The following CNTN3 variants were observed in gnomAD, a reference collection of about 807,000 sequenced individuals.
CNTN3 encodes contactin-3.
Under a neutral mutation model 119.1 loss-of-function variants are expected in CNTN3, and 60 were observed. The ratio of observed to expected loss-of-function variants is 0.50; its 90% CI spans 0.41 to 0.62. CNTN3 has a LOEUF of 0.62. CNTN3 is among the 20% of genes least tolerant of loss of function. CNTN3 has a pLI of 0.00. For missense variants in CNTN3, 1,101 were observed against 1,242.4 expected, an observed-to-expected ratio of 0.89 and a Z score of 1.71; for synonymous variants, 450 against 438.7, an observed-to-expected ratio of 1.03 and a Z score of -0.32.
At chr3:74,581,866 T>C (rs1471223826) in intron 1 of CNTN3, among the ~76,000 whole-genome samples, 2 of 152,204 alleles carry the variant, frequency 1.3e-5, no homozygotes, top group African/African-American at 4.8e-5. Flanking sequence ...GTCTTGTTAA[T>C]AAATGTTGCT....
In CNTN3 at chr3:74,314,846, G is replaced by A. The variant is rs185580462; in HGVS notation, c.1669-12039C>T. Among the ~76,000 whole-genome samples the A allele has an allele frequency of 4.8e-4, 73 of 152,266 alleles. 2 individuals carry two copies. The East Asian group carries it at 0.014, about 29-fold the overall frequency. On this transcript the variant is annotated intron_variant, in intron 13 of 22. Coordinates refer to ENST00000263665, the MANE Select transcript of CNTN3 (RefSeq NM_020872.3). ...ACTTTATCCAACAGCAGTGTCAGAGGCGTTTGAATCAGAGTGACTCCACCT... is the reference window on the plus strand; with the variant it reads ...ACTTTATCCAACAGCAGTGTCAGAGACGTTTGAATCAGAGTGACTCCACCT...
chr3:74,529,925 T>C (rs1042706970), intron 1 of CNTN3, among the ~76,000 whole-genome samples: 3 of 141,784 alleles, frequency 2.1e-5, no homozygotes, highest in Non-Finnish European at 4.5e-5. Flanking sequence ...TAGAAAAAGG[T>C]AAATGAAATC....
chr3:74,523,014 A>T (rs1703565327), intron 1 of CNTN3, among the ~76,000 whole-genome samples: 1 of 151,786 alleles, frequency 6.6e-6, no homozygotes, highest in Non-Finnish European at 1.5e-5. Context: ...TCAATCAATC[A>T]TTATACTGCT....
At chr3:74,418,420 C>G (rs1403031714) in intron 5 of CNTN3, among the ~76,000 whole-genome samples, 1 of 134,504 alleles carries the variant, frequency 7.4e-6, no homozygotes, top group South Asian at 2.4e-4. Context: ...TGGCTCACTG[C>G]AACCTCTGCC....
intron 20 of CNTN3, among the ~76,000 whole-genome samples, chr3:74,278,031 A>C (rs577811521): frequency 3.2e-5 from 4 of 126,950 alleles, no homozygotes; most frequent in African/African-American, 9.7e-5. Context: ...GCCAAAAAAA[A>C]AAAACCACTT....
intron 5 of CNTN3, among the ~76,000 whole-genome samples, chr3:74,407,705 T>C (rs9820380): frequency 0.8 from 121,101 of 151,900 alleles, 48,868 homozygotes; most frequent in African/African-American, 0.93. Context: ...GACAGATGCA[T>C]TGAACATCCT....
At chr3:74,450,020 G>A (rs894984030) in intron 4 of CNTN3, among the ~76,000 whole-genome samples, 2 of 151,986 alleles carry the variant, frequency 1.3e-5, no homozygotes, top group Non-Finnish European at 2.9e-5. Flanking sequence ...GCAAGATAAT[G>A]AATCAAACTG....
chr3:74,365,713 A>G lies in CNTN3; in HGVS notation c.947-11T>C, dbSNP rs766933682. 1 of 1,593,342 alleles carries G rather than the reference A, an allele frequency of 6.3e-7. No individual in the cohort carries two copies. The highest frequency in any genetic ancestry group is 8.5e-7 in the Non-Finnish European group (1 of 1,170,046). On this transcript the variant is annotated splice_polypyrimidine_tract_variant and intron_variant, in intron 8 of 22. Coordinates refer to ENST00000263665, the MANE Select transcript of CNTN3 (RefSeq NM_020872.3). ...CCCAATGGGGCTTTGCTTCAATGAAAGAAAAGGAAAAAGAAAAGAAATTTA... is the reference window on the plus strand; with the variant it reads ...CCCAATGGGGCTTTGCTTCAATGAAGGAAAAGGAAAAAGAAAAGAAATTTA...
At position 74,551,735 on chromosome 3, in the gene CNTN3, GCTT is replaced by G. The variant is rs1222577076; in HGVS notation, c.-80-30546_-80-30544del. On this transcript the variant is annotated intron_variant, in intron 1 of 22. Coordinates refer to ENST00000263665, the MANE Select transcript of CNTN3 (RefSeq NM_020872.3). ...TTTAGTATGTAGTCTTCACAGATCTGCTTCTTCTTCTTCTTCTTCTTTTTTTTT... is the reference window on the plus strand; with the variant it reads ...TTTAGTATGTAGTCTTCACAGATCTGCTTCTTCTTCTTCTTCTTTTTTTTT... Among the ~76,000 whole-genome samples the G allele has an allele frequency of 1.7e-3, 215 of 129,622 alleles. 1 individual carries two copies. Among genetic ancestry groups the G allele is most frequent in the African/African-American group, 4.8e-3 (162 of 33,870 alleles). The allele number at this position is 129,622 out of a possible 152,430, so 85.0% of individuals were successfully genotyped here. A position where few individuals can be genotyped will look rare whatever the true frequency, so the allele number is the denominator to read the frequency against.
intron 13 of CNTN3, among the ~76,000 whole-genome samples, chr3:74,327,980 T>C (rs532868481): frequency 3.3e-4 from 50 of 151,908 alleles, no homozygotes; most frequent in African/African-American, 1.1e-3. Context: ...TTCTGTAGAT[T>C]ATCAATTGCT....
intron 5 of CNTN3, among the ~76,000 whole-genome samples, chr3:74,411,430 T>A (rs191798236): frequency 7.2e-5 from 11 of 152,274 alleles, no homozygotes; most frequent in African/African-American, 2.2e-4. Context: ...ACAAAGAGTT[T>A]TCTTCTCAAG....
intron 13 of CNTN3, among the ~76,000 whole-genome samples, chr3:74,320,574 C>T (rs776441433): frequency 9.9e-5 from 15 of 151,980 alleles, no homozygotes; most frequent in African/African-American, 1.9e-4. Flanking sequence ...GGCTAAATGA[C>T]GAGTTAATGG....
chr3:74,416,496 T>A (rs1701523271), intron 5 of CNTN3, among the ~76,000 whole-genome samples: 1 of 152,160 alleles, frequency 6.6e-6, no homozygotes, highest in African/African-American at 2.4e-5. Flanking sequence ...GGTGCCCAGT[T>A]TGTACCCTCT....
intron 4 of CNTN3, among the ~76,000 whole-genome samples, chr3:74,470,535 C>T (rs745367611): frequency 3.3e-5 from 5 of 152,028 alleles, no homozygotes; most frequent in Non-Finnish European, 7.4e-5. Context: ...CAGACCTGGG[C>T]CCGGCTCCCT....
chr3:74,406,576 G>A (rs146163964), intron 5 of CNTN3, among the ~76,000 whole-genome samples: 82 of 151,224 alleles, frequency 5.4e-4, no homozygotes, highest in African/African-American at 1.6e-3. Context: ...GAAAGGCTTC[G>A]GTTCATTCTA....
chr3:74,300,240 T>C (rs1333906757), intron 16 of CNTN3, among the ~76,000 whole-genome samples: 3 of 152,190 alleles, frequency 2.0e-5, no homozygotes, highest in African/African-American at 7.2e-5. Flanking sequence ...AAAAAGTGAT[T>C]CACTGGAGAT....
chr3:74,552,919 G>A (rs1456433369), intron 1 of CNTN3, among the ~76,000 whole-genome samples: 1 of 152,130 alleles, frequency 6.6e-6, no homozygotes, highest in African/African-American at 2.4e-5. Context: ...AGAACTGTGA[G>A]TCAATTAAAC....
intron 4 of CNTN3, among the ~76,000 whole-genome samples, chr3:74,467,139 C>T (rs1030377189): frequency 2.6e-5 from 4 of 151,940 alleles, no homozygotes; most frequent in Non-Finnish European, 4.4e-5. Flanking sequence ...ATACTATACT[C>T]TTGAGTCACA....
intron 13 of CNTN3, among the ~76,000 whole-genome samples, chr3:74,307,153 CAAG>C (rs1322135439): frequency 1.3e-5 from 2 of 152,002 alleles, no homozygotes; most frequent in Non-Finnish European, 2.9e-5. Context: ...TTGAGTAACT[CAAG>C]AAGGAGAGCT....
Sources: gnomAD v4.1 joint callset for allele counts (sites outside exome capture counted in the v4.1 genomes callset) on GRCh38, gnomAD v4.1.1 for gene constraint, MANE v1.5 for transcripts, NCBI Gene and HGNC (gene_info 2026-07-23, HGNC 2026-07-21) for gene names.